The following MYO16 variants were observed in gnomAD, a reference collection of about 807,000 sequenced individuals.
MYO16 encodes unconventional myosin-XVI.
In MYO16, 94 loss-of-function variants were observed where a neutral mutation model predicts 205.3. That is an observed-to-expected ratio of 0.46 (90% CI 0.39 to 0.54). The LOEUF (loss-of-function observed/expected upper bound fraction) is 0.54, where lower values mean the gene tolerates loss of function less well. Ranked by LOEUF, MYO16 falls within the 20% of genes least tolerant of loss-of-function variation. The pLI, the probability that MYO16 is intolerant of heterozygous loss-of-function variation, is 0.00. For missense variants in MYO16, 2,315 were observed against 2,387.5 expected (o/e 0.97, Z 0.63); for synonymous variants, 988 against 954.0 (o/e 1.04, Z -0.66).
Position 108,677,350 on chromosome 13 carries a change from T to TGC in MYO16, c.292+11201_292+11202insGC, listed in dbSNP as rs1220783171. 6.1e-3 allele frequency among the ~76,000 whole-genome samples: 535 copies of TGC among 87,250 alleles called. 2 individuals are homozygous for TGC. Among genetic ancestry groups the TGC allele is most frequent in the South Asian group, 0.058 (195 of 3,356 alleles). The allele number at this position is 87,250 out of a possible 152,430, so 57.2% of individuals were successfully genotyped here. On this transcript the variant is annotated intron_variant, in intron 2 of 34. Transcript: ENST00000457511. Reference sequence around the variant, plus strand: ...GTGTGTGTGTGTATATATATATATATATATGCATATATATATATATATGCA... The same window carrying TGC: ...GTGTGTGTGTGTATATATATATATATGCATATGCATATATATATATATATGCA...
intron 3 of MYO16, among the ~76,000 whole-genome samples, chr13:108,713,274 CA>C (rs1437004088): frequency 1.3e-5 from 2 of 152,090 alleles, no homozygotes; most frequent in Non-Finnish European, 2.9e-5. Flanking sequence ...TAAAAGTCAA[CA>C]AGTATTCGAT....
intron 1 of MYO16, among the ~76,000 whole-genome samples, chr13:108,618,533 C>T (rs1390854820): frequency 6.6e-6 from 1 of 152,182 alleles, no homozygotes; most frequent in Non-Finnish European, 1.5e-5. Flanking sequence ...CCTGGGCCAG[C>T]CACCACCTCT....
intron 22 of MYO16, among the ~76,000 whole-genome samples, chr13:109,012,990 G>C (rs1290729200): frequency 6.6e-6 from 1 of 150,526 alleles, no homozygotes; most frequent in Non-Finnish European, 1.5e-5. Context: ...TATACTTTAA[G>C]TTCTAGGGTA....
chr13:108,863,246 G>A lies in MYO16; in HGVS notation c.1360-2931G>A, dbSNP rs78837251. Among the ~76,000 whole-genome samples the A allele has an allele frequency of 8.7e-3, 1,318 of 152,022 alleles. 25 individuals are homozygous for A. The highest frequency in any genetic ancestry group is 0.03 in the African/African-American group (1,229 of 41,480). On this transcript the variant is annotated intron_variant, in intron 11 of 34. Transcript: ENST00000457511. Reference sequence around the variant, plus strand: ...CTTCACTAAAAAGACTGGAAGTGTCGATAATAAGTGCCCTATCCATTGCCA... The same window carrying A: ...CTTCACTAAAAAGACTGGAAGTGTCAATAATAAGTGCCCTATCCATTGCCA...
rs1204469423 is a variant in MYO16 at position 109,109,852 on chromosome 13, T to C, written c.3438+8965T>C. The stretch of plus-strand genomic sequence containing the variant: ...ACGTGAGCACACCACAGGACAGACA[T>C]ATGCAGAATTAGGAAAGCAATGCCA... On this transcript the variant is annotated intron_variant, in intron 28 of 34. Coordinates refer to ENST00000457511, the MANE Select transcript of MYO16 (RefSeq NM_001198950.3). 2.0e-5 allele frequency among the ~76,000 whole-genome samples: 3 copies of C among 152,158 alleles called. No individual in the cohort carries two copies. The East Asian group carries it at 5.8e-4, about 29-fold the overall frequency.
intron 5 of MYO16, among the ~76,000 whole-genome samples, chr13:108,788,910 C>T (rs1163147897): frequency 1.3e-5 from 2 of 152,194 alleles, no homozygotes; most frequent in Non-Finnish European, 2.9e-5. Flanking sequence ...TCGAATGCTT[C>T]CCGTGTCTGT....
chr13:108,979,607 A>G (rs1270657369), intron 20 of MYO16, among the ~76,000 whole-genome samples: 1 of 152,092 alleles, frequency 6.6e-6, no homozygotes, highest in South Asian at 2.1e-4. Flanking sequence ...ATGACAACCC[A>G]AACTACACAA....
intron 16 of MYO16, among the ~76,000 whole-genome samples, chr13:108,928,720 TA>T (rs1882120376): frequency 6.6e-6 from 1 of 152,184 alleles, no homozygotes; most frequent in Non-Finnish European, 1.5e-5. Context: ...GGAATGGACC[TA>T]AAGCTGTATT....
chr13:108,672,218 A>C (rs1282947145), intron 2 of MYO16, among the ~76,000 whole-genome samples: 1 of 152,240 alleles, frequency 6.6e-6, no homozygotes, highest in Non-Finnish European at 1.5e-5. Context: ...CCAAAAATGC[A>C]CATAAGAAAA....
the MYO16 span, among the ~76,000 whole-genome samples, chr13:108,539,214 T>C: frequency 6.6e-6 from 1 of 152,116 alleles, no homozygotes; most frequent in African/African-American, 2.4e-5. Flanking sequence ...AATGTCCTTT[T>C]TAACGTTAAT....
chr13:108,936,133 C>T (rs1049477184), intron 16 of MYO16, among the ~76,000 whole-genome samples: 1 of 139,806 alleles, frequency 7.2e-6, no homozygotes, highest in Admixed American at 7.2e-5. Flanking sequence ...TCCTTCCTTC[C>T]TTCCTTCCTT....
chr13:108,827,028 C>T (rs541342586), intron 9 of MYO16, among the ~76,000 whole-genome samples: 10 of 152,184 alleles, frequency 6.6e-5, no homozygotes, highest in African/African-American at 2.4e-4. Context: ...AATTCTTCTC[C>T]TAGGGGCATT....
chr13:108,897,633 A>G (rs117464420), intron 14 of MYO16, among the ~76,000 whole-genome samples: 14 of 152,244 alleles, frequency 9.2e-5, no homozygotes, highest in African/African-American at 3.1e-4. Context: ...ACTTTTGCCT[A>G]TATTAATTCA....
chr13:108,583,055 A>G, the MYO16 span, among the ~76,000 whole-genome samples: 1 of 152,260 alleles, frequency 6.6e-6, no homozygotes, highest in East Asian at 1.9e-4. Context: ...ATTTAAAAAT[A>G]GATTCTATCA....
In MYO16 at chr13:109,140,074, T is replaced by C. The variant is rs988401640; in HGVS notation, c.4052-190T>C. On this transcript the variant is annotated intron_variant, in intron 31 of 34. Transcript: ENST00000457511. This position sits in a 1 kb window ranked among gnomAD's most constrained non-coding sequence, Gnocchi z 8.0. ...TCTTCCATCTCCAAGATCAAAACTCTCTTTTCTTGGGGGTGGTCTCAGGAG... is the reference window on the plus strand; with the variant it reads ...TCTTCCATCTCCAAGATCAAAACTCCCTTTTCTTGGGGGTGGTCTCAGGAG... Among the ~76,000 whole-genome samples the C allele has an allele frequency of 2.0e-5, 3 of 151,832 alleles. No homozygotes were observed. Among genetic ancestry groups the C allele is most frequent in the African/African-American group, 7.3e-5 (3 of 41,328 alleles).
intron 4 of MYO16, among the ~76,000 whole-genome samples, chr13:108,739,458 A>T (rs1329222286): frequency 6.6e-6 from 1 of 152,186 alleles, no homozygotes; most frequent in African/African-American, 2.4e-5. Flanking sequence ...AATGTTGAAT[A>T]TTGGCCCCCA....
At chr13:108,643,637 A>C (rs6492131) in intron 1 of MYO16, among the ~76,000 whole-genome samples, 19,129 of 152,160 alleles carry the variant, frequency 0.13, 1,595 homozygotes, top group South Asian at 0.26. Context: ...AGGTTTATTC[A>C]TTTTTATTGT....
At chr13:108,687,707 A>T (rs931204567) in intron 2 of MYO16, among the ~76,000 whole-genome samples, 1 of 152,244 alleles carries the variant, frequency 6.6e-6, no homozygotes, top group Admixed American at 6.5e-5. Flanking sequence ...ATTCCAAAAT[A>T]CTGATTAGTT....
chr13:109,001,470 T>C lies in MYO16; in HGVS notation c.2443-7427T>C, dbSNP rs137939565. Among the ~76,000 whole-genome samples, 140 of 152,248 alleles carry C rather than the reference T, an allele frequency of 9.2e-4. 2 individuals carry two copies. The highest frequency in any genetic ancestry group is 3.2e-3 in the African/African-American group (134 of 41,544). ...CCTCTATCAAGGTAAGAGTCAGTCATGGTGCTAGCAAAAGAGTAAACATGA... is the reference window on the plus strand; with the variant it reads ...CCTCTATCAAGGTAAGAGTCAGTCACGGTGCTAGCAAAAGAGTAAACATGA... On this transcript the variant is annotated intron_variant, in intron 21 of 34. Coordinates refer to ENST00000457511, the MANE Select transcript of MYO16 (RefSeq NM_001198950.3).
Sources: gnomAD v4.1 joint callset for allele counts (sites outside exome capture counted in the v4.1 genomes callset) on GRCh38, gnomAD v4.1.1 for gene constraint, Gnocchi (gnomAD v3.1) non-coding constraint, MANE v1.5 for transcripts, NCBI Gene and HGNC (gene_info 2026-07-23, HGNC 2026-07-21) for gene names.